Variants in WWC1 observed in about 807,000 individuals in gnomAD.
The protein encoded by WWC1 is protein KIBRA.
WWC1 carries 55 observed loss-of-function variants against 138.4 expected under a neutral mutation model. The ratio of observed to expected loss-of-function variants is 0.40; its 90% confidence interval spans 0.32 to 0.50. The LOEUF (loss-of-function observed/expected upper bound fraction) is 0.50, where lower values mean the gene tolerates loss of function less well. WWC1 is among the 20% of genes least tolerant of loss of function. WWC1 has a pLI of 0.72. For synonymous variants in WWC1, 524 were observed against 564.9 expected (o/e 0.93, Z 1.03); for missense variants, 1,226 against 1,420.4 (o/e 0.86, Z 2.20).
At chr5:168,373,798 G>C (rs1292028064) in intron 2 of WWC1, among the ~76,000 whole-genome samples, 1 of 142,972 alleles carries the variant, frequency 7.0e-6, no homozygotes, top group African/African-American at 2.6e-5. Flanking sequence ...TGTAATCCCA[G>C]CACTTTGGGA....
chr5:168,322,433 T>C (rs1772192564), intron 1 of WWC1, among the ~76,000 whole-genome samples: 1 of 152,344 alleles, frequency 6.6e-6, no homozygotes, highest in East Asian at 1.9e-4. Context: ...TGTGGCTGTG[T>C]CTCAGTAGAA....
intron 1 of WWC1, among the ~76,000 whole-genome samples, chr5:168,355,804 T>C (rs1372835032): frequency 6.6e-6 from 1 of 150,436 alleles, no homozygotes; most frequent in Non-Finnish European, 1.5e-5. Flanking sequence ...GGTAAGGGAG[T>C]GAACAGGAAG....
At chr5:168,427,957 A>G in intron 11 of WWC1, 76 bp from the exon 12 acceptor site, 2 of 1,331,770 alleles carry the variant, frequency 1.5e-6, no homozygotes, top group Admixed American at 1.8e-5. Context: ...ACCCTGCCTC[A>G]AAAACAAAAC....
intron 18 of WWC1, 149 bp downstream of exon 18, chr5:168,454,249 T>A: frequency 3.2e-6 from 4 of 1,235,614 alleles, no homozygotes; most frequent in Non-Finnish European, 4.5e-6. Context: ...TGGGTCATTC[T>A]GGTGATAGTA....
intron 1 of WWC1, among the ~76,000 whole-genome samples, chr5:168,367,464 T>A (rs1230489763): frequency 6.6e-6 from 1 of 150,932 alleles, no homozygotes; most frequent in African/African-American, 2.4e-5. Flanking sequence ...CCCGAGTAGC[T>A]GGGACTACAG....
At position 168,430,149 on chromosome 5, in the gene WWC1, G is replaced by T; in HGVS notation, c.2013G>T (p.Lys671Asn). 1 of 1,613,884 alleles carries T rather than the reference G, an allele frequency of 6.2e-7. No homozygotes were observed. The highest frequency in any genetic ancestry group is 1.3e-5 in the African/African-American group (1 of 75,046). The stretch of plus-strand genomic sequence containing the variant: ...CTTTTCATTTCAGGTATGATGAGAA[G>T]AATAAGCAATTTGCAATATTAATCA... ...RIQIALKYDE[K>N]NKQFAILIIQ... Residue 671 changes from lysine to asparagine, a missense_variant, in exon 14 of 23, where the codon AAG becomes AAT. Physicochemically the swap from Lys to Asn is moderately conservative, Grantham distance 94. Transcript: ENST00000265293.
chr5:168,350,992 A>G (rs901367576), intron 1 of WWC1, among the ~76,000 whole-genome samples: 6 of 152,016 alleles, frequency 3.9e-5, no homozygotes, highest in African/African-American at 1.4e-4. Context: ...CTAAAAACAC[A>G]AAAAATTAGC....
intron 2 of WWC1, among the ~76,000 whole-genome samples, chr5:168,375,816 C>T (rs1284292325): frequency 6.6e-6 from 1 of 152,054 alleles, no homozygotes; most frequent in African/African-American, 2.4e-5. Context: ...CTCAGGTGAT[C>T]TGCCCACCTT....
intron 18 of WWC1, 53 bp from the exon 19 acceptor site, chr5:168,455,303 G>A: frequency 6.6e-7 from 1 of 1,521,048 alleles, no homozygotes; most frequent in Non-Finnish European, 8.8e-7. Flanking sequence ...TCTCTGGTGG[G>A]TGGCTGAGAC....
chr5:168,349,964 G>A (rs923073823), intron 1 of WWC1, among the ~76,000 whole-genome samples: 4 of 152,082 alleles, frequency 2.6e-5, no homozygotes, highest in Non-Finnish European at 4.4e-5. Context: ...CTCCAAATGC[G>A]GACAGCTCAC....
At chr5:168,376,517 A>G (rs1000565621) in intron 2 of WWC1, among the ~76,000 whole-genome samples, 2 of 152,236 alleles carry the variant, frequency 1.3e-5, no homozygotes, top group Non-Finnish European at 2.9e-5. Context: ...ATTTGATTCT[A>G]TACCTAGACA....
intron 1 of WWC1, among the ~76,000 whole-genome samples, chr5:168,322,808 G>A (rs1772224002): frequency 6.6e-6 from 1 of 152,092 alleles, no homozygotes; most frequent in South Asian, 2.1e-4. Flanking sequence ...TTTTGCATGT[G>A]GTTTCCATCC....
In WWC1 at chr5:168,460,714, T is replaced by A. The variant is rs186047222; in HGVS notation, c.2888T>A (p.Leu963Gln). The part of the protein sequence containing the change: ...SKKPPFVRNS[L>Q]ERRSVRMKRP... ...AAGCCACCTTTTGTTCGAAACTCCC[T>A]GGAGCGACGCAGCGTCCGGATGAAG... The change falls in exon 20 of 23, where the codon CTG (leucine) becomes CAG (glutamine). Residue 963 changes from leucine (L) to glutamine (Q), a missense_variant. This residue lies in a region of WWC1 where 206 missense variants were observed against 247.4 expected (regional missense o/e 0.83). Coordinates refer to ENST00000265293, the MANE Select transcript of WWC1 (RefSeq NM_015238.3). The A allele has an allele frequency of 3.1e-6, 5 of 1,614,184 alleles. No individual in the cohort carries two copies. The highest frequency in any genetic ancestry group is 8.5e-7 in the Non-Finnish European group (1 of 1,180,030).
At chr5:168,384,806 C>A (rs982490462) in intron 2 of WWC1, among the ~76,000 whole-genome samples, 1 of 151,542 alleles carries the variant, frequency 6.6e-6, no homozygotes, top group Non-Finnish European at 1.5e-5. Flanking sequence ...CAACCTCCCC[C>A]TCCTGGGTTC....
intron 1 of WWC1, among the ~76,000 whole-genome samples, chr5:168,354,478 G>A (rs1368729471): frequency 6.6e-6 from 1 of 152,048 alleles, no homozygotes; most frequent in South Asian, 2.1e-4. Flanking sequence ...TAAACTATTT[G>A]GATACTTTTT....
chr5:168,444,488 C>T lies in WWC1; in HGVS notation c.2434-6C>T, dbSNP rs547521515. ...CCCAATGACCCAGCAACCTTTGTCT[C>T]TATAGGACGCTGTGTCTGCTCTGTT... On this transcript the variant is annotated splice_region_variant and splice_polypyrimidine_tract_variant and intron_variant, in intron 16 of 22. Transcript: ENST00000265293. 1.9e-6 allele frequency: 3 copies of T among 1,563,298 alleles called. No individual in the cohort carries two copies. The South Asian group carries it at 3.5e-5, about 18-fold the overall frequency.
chr5:168,414,127 T>C (rs1780415672), intron 8 of WWC1: 1 of 577,928 alleles, frequency 1.7e-6, no homozygotes, highest in South Asian at 2.0e-5. Context: ...GCCTTGTTCA[T>C]GTCTGCACCC....
chr5:168,359,464 G>C (rs1170998313), intron 1 of WWC1, among the ~76,000 whole-genome samples: 2 of 152,142 alleles, frequency 1.3e-5, no homozygotes, highest in Non-Finnish European at 2.9e-5. Flanking sequence ...TTGTTTGGCT[G>C]TACCACAGTT....
At chr5:168,456,938 G>A (rs894253103) in intron 19 of WWC1, among the ~76,000 whole-genome samples, 1 of 151,950 alleles carries the variant, frequency 6.6e-6, no homozygotes, top group Non-Finnish European at 1.5e-5. Context: ...TTTTTCCCCA[G>A]TGTTTTTTAA....
Sources: gnomAD v4.1 joint callset for allele counts (sites outside exome capture counted in the v4.1 genomes callset) on GRCh38, gnomAD v4.1.1 for gene constraint, gnomAD v4.1.1 regional missense constraint, MANE v1.5 for transcripts, NCBI Gene and HGNC (gene_info 2026-07-23, HGNC 2026-07-21) for gene names.